Variants in USP6NL observed in about 807,000 individuals in gnomAD.
The protein encoded by USP6NL is USP6 N-terminal like.
USP6NL carries 26 observed loss-of-function variants against 61.9 expected under a neutral mutation model. The observed-to-expected ratio is 0.42, with a 90% CI of 0.31 to 0.58. The LOEUF (loss-of-function observed/expected upper bound fraction) is 0.58, where lower values mean the gene tolerates loss of function less well. Among genes scored for constraint, USP6NL ranks in the 20% least tolerant of loss-of-function variants. The probability of loss-of-function intolerance (pLI) is 0.16; values close to 1 mark genes in which losing one functional copy is unlikely to be tolerated. For missense variants in USP6NL, 1,114 were observed against 1,034.3 expected (o/e 1.08, Z -1.06); for synonymous variants, 432 against 390.1 (o/e 1.11, Z -1.27).
chr10:11,593,436 G>A (rs1838221576), intron 2 of USP6NL, among the ~76,000 whole-genome samples: 1 of 152,010 alleles, frequency 6.6e-6, no homozygotes, highest in Non-Finnish European at 1.5e-5. Flanking sequence ...ATGGATCTGA[G>A]AGCTCCTTTT....
chr10:11,609,545 C>T (rs913535489), intron 1 of USP6NL, among the ~76,000 whole-genome samples: 1 of 152,192 alleles, frequency 6.6e-6, no homozygotes, highest in Non-Finnish European at 1.5e-5. Flanking sequence ...AGTGGCAATT[C>T]CCAAAGCTAT....
At chr10:11,578,740 G>A (rs775052122) in intron 2 of USP6NL, among the ~76,000 whole-genome samples, 3 of 152,186 alleles carry the variant, frequency 2.0e-5, no homozygotes, top group Non-Finnish European at 2.9e-5. Flanking sequence ...ATTTTTAAAT[G>A]TCAATACAAT....
intron 2 of USP6NL, among the ~76,000 whole-genome samples, chr10:11,582,054 T>A (rs1036520826): frequency 6.6e-6 from 1 of 151,980 alleles, no homozygotes; most frequent in Non-Finnish European, 1.5e-5. Context: ...AACCTCCACC[T>A]CCCGGCTTCA....
At chr10:11,566,576 G>T (rs1013192478) in intron 2 of USP6NL, among the ~76,000 whole-genome samples, 1 of 152,196 alleles carries the variant, frequency 6.6e-6, no homozygotes, top group Non-Finnish European at 1.5e-5. Flanking sequence ...AGTAAGTAGT[G>T]GATTCGAGAG....
At chr10:11,608,919 C>T (rs932714740) in intron 1 of USP6NL, among the ~76,000 whole-genome samples, 1 of 152,174 alleles carries the variant, frequency 6.6e-6, no homozygotes, top group African/African-American at 2.4e-5. Flanking sequence ...ACTACATGGA[C>T]GTGTGCTACA....
chr10:11,493,361 T>A, intron 7 of USP6NL, 133 bp from the exon 8 acceptor site: 1 of 709,282 alleles, frequency 1.4e-6, no homozygotes, highest in Non-Finnish European at 2.3e-6. Flanking sequence ...AAATCAAAAC[T>A]ATATATACAA....
At chr10:11,607,260 T>G (rs565249741) in intron 1 of USP6NL, among the ~76,000 whole-genome samples, 44 of 152,348 alleles carry the variant, frequency 2.9e-4, no homozygotes, top group African/African-American at 1.1e-3. Flanking sequence ...TGTGACTGAC[T>G]TCAAAATCTT....
In USP6NL at chr10:11,495,024, G is replaced by A. The variant is rs1302038788; in HGVS notation, c.385-1796C>T. 1.3e-5 allele frequency among the ~76,000 whole-genome samples: 2 copies of A among 152,150 alleles called. No homozygotes were observed. The highest frequency in any genetic ancestry group is 3.9e-4 in the East Asian group (2 of 5,168). ...GGGAGACTCCCTTTCCCTCTGCTAA[G>A]TAGCCGGTGTTTTCCCTTGACACTT... On this transcript the variant is annotated intron_variant, in intron 7 of 14. Transcript: ENST00000609104. The surrounding 1 kb of genome is among the most constrained non-coding windows in gnomAD (Gnocchi z 4.6).
rs933059092 is a variant in USP6NL, at chr10:11,491,586, G to A, written c.495-706C>T. Among the ~76,000 whole-genome samples the A allele has an allele frequency of 2.6e-5, 4 of 152,206 alleles. No homozygotes were observed. Among genetic ancestry groups the A allele is most frequent in the East Asian group, 1.9e-4 (1 of 5,198 alleles). ...TCTGAACCAACAGGCAAAGAAGGACGTGGCTGTGTGGGCTGGGGGGATTAT... is the reference window on the plus strand; with the variant it reads ...TCTGAACCAACAGGCAAAGAAGGACATGGCTGTGTGGGCTGGGGGGATTAT... On this transcript the variant is annotated intron_variant, in intron 8 of 14. Coordinates refer to ENST00000609104, the MANE Select transcript of USP6NL (RefSeq NM_014688.5). The surrounding 1 kb of genome is among the most constrained non-coding windows in gnomAD (Gnocchi z 4.7).
intron 2 of USP6NL, among the ~76,000 whole-genome samples, chr10:11,580,971 G>A (rs1160158143): frequency 2.0e-5 from 3 of 152,042 alleles, no homozygotes; most frequent in Non-Finnish European, 4.4e-5. Flanking sequence ...AAGTACAAGA[G>A]TACTGGTATA....
intron 2 of USP6NL, among the ~76,000 whole-genome samples, chr10:11,552,137 T>C (rs1034743204): frequency 6.6e-6 from 1 of 152,206 alleles, no homozygotes; most frequent in Non-Finnish European, 1.5e-5. Flanking sequence ...TAGTAAAAGA[T>C]TTGAATGTGC....
chr10:11,572,025 CATG>C (rs1257367864), intron 2 of USP6NL, among the ~76,000 whole-genome samples: 7 of 151,372 alleles, frequency 4.6e-5, no homozygotes, highest in Non-Finnish European at 7.4e-5. Flanking sequence ...CATATATCCA[CATG>C]ATGTTTCCTG....
At chr10:11,514,990 A>C (rs1834893719) in intron 5 of USP6NL, among the ~76,000 whole-genome samples, 1 of 152,206 alleles carries the variant, frequency 6.6e-6, no homozygotes, top group Admixed American at 6.5e-5. Context: ...CTTCTGTTTA[A>C]AGTTTATGAT....
Position 11,532,360 on chromosome 10 carries a change from C to A in USP6NL, c.5-4793G>T. ...ACAAAGAAAGGCAGAGGCAGCTCTA[C>A]TTTAAACTATCTGTGAAACAAGCAC... On this transcript the variant is annotated intron_variant, in intron 2 of 14. Coordinates refer to ENST00000609104, the MANE Select transcript of USP6NL (RefSeq NM_014688.5). The surrounding 1 kb of genome is among the most constrained non-coding windows in gnomAD (Gnocchi z 4.1). The A allele has an allele frequency of 3.0e-6, 2 of 665,374 alleles. No individual in the cohort carries two copies. The highest frequency in any genetic ancestry group is 2.4e-6 in the Non-Finnish European group (1 of 418,856). 41.2% of individuals were successfully genotyped at this position (665,374 alleles called of 1,614,324 possible).
rs1833775054 is a variant in USP6NL, at chr10:11,493,212, G to A, written c.401C>T (p.Ala134Val). 1 of 1,609,952 alleles carries A rather than the reference G, an allele frequency of 6.2e-7. No individual in the cohort carries two copies. Among genetic ancestry groups the A allele is most frequent in the Non-Finnish European group, 8.5e-7 (1 of 1,177,940 alleles). ...RDLYSKLKHR[A>V]RGCSPDIRQI... ...TCTGATGTCAGGTGAACAGCCCCGT[G>A]CTCTGTGTTTTAATTTCTGAAGAGA... The change falls in exon 8 of 15, where the codon GCA becomes GTA. Residue 134 changes from alanine to valine, a missense_variant. Ala to Val is a moderately conservative substitution (Grantham distance 64). Coordinates refer to ENST00000609104, the MANE Select transcript of USP6NL (RefSeq NM_014688.5).
intron 2 of USP6NL, among the ~76,000 whole-genome samples, chr10:11,529,384 G>C (rs1318758099): frequency 6.6e-6 from 1 of 152,116 alleles, no homozygotes; most frequent in African/African-American, 2.4e-5. Context: ...AAAAAAATCT[G>C]AAAACAGACA....
In USP6NL at chr10:11,595,484, T is replaced by C. The variant is rs1352670884; in HGVS notation, c.4+2147A>G. Among the ~76,000 whole-genome samples the C allele has an allele frequency of 6.6e-6, 1 of 152,214 alleles. No individual in the cohort carries two copies. The highest frequency in any genetic ancestry group is 1.5e-5 in the Non-Finnish European group (1 of 68,042). The stretch of plus-strand genomic sequence containing the variant: ...GAGGCTACAGCTTATAAGAGGTTGC[T>C]GACCTAATGCCAGCTGACTCAGTGA... On this transcript the variant is annotated intron_variant, in intron 2 of 14. Coordinates refer to ENST00000609104, the MANE Select transcript of USP6NL (RefSeq NM_014688.5). This position sits in a 1 kb window ranked among gnomAD's most constrained non-coding sequence, Gnocchi z 5.3.
At chr10:11,572,229 A>T (rs1379355066) in intron 2 of USP6NL, among the ~76,000 whole-genome samples, 1 of 152,094 alleles carries the variant, frequency 6.6e-6, no homozygotes, top group East Asian at 1.9e-4. Flanking sequence ...GGATTAAATT[A>T]ACTAATTTAT....
chr10:11,481,931 G>A lies in USP6NL; in HGVS notation c.926-9C>T, dbSNP rs921378430. On this transcript the variant is annotated splice_polypyrimidine_tract_variant and intron_variant, in intron 13 of 14. Coordinates refer to ENST00000609104, the MANE Select transcript of USP6NL (RefSeq NM_014688.5). This position sits in a 1 kb window ranked among gnomAD's most constrained non-coding sequence, Gnocchi z 4.4. ...CAATTTCATTAGATGTTCTAAGAAA[G>A]GATAAGAGAAATGAAAATGCCAAGT... 1.3e-6 allele frequency: 2 copies of A among 1,594,688 alleles called. No homozygotes were observed. The highest frequency in any genetic ancestry group is 1.7e-6 in the Non-Finnish European group (2 of 1,172,392).
Sources: gnomAD v4.1 joint callset for allele counts (sites outside exome capture counted in the v4.1 genomes callset) on GRCh38, gnomAD v4.1.1 for gene constraint, Gnocchi (gnomAD v3.1) non-coding constraint, MANE v1.5 for transcripts, NCBI Gene and HGNC (gene_info 2026-07-23, HGNC 2026-07-21) for gene names.